Variants in ZRANB3 observed in about 807,000 individuals in gnomAD.
ZRANB3 encodes DNA annealing helicase and endonuclease ZRANB3.
A neutral mutation model predicts 133.8 loss-of-function variants in ZRANB3; 125 were observed. That is an observed-to-expected ratio of 0.93 (90% CI 0.81 to 1.08). The LOEUF (loss-of-function observed/expected upper bound fraction) is 1.08, where lower values mean the gene tolerates loss of function less well. Among genes scored for constraint, ZRANB3 ranks in the 50% least tolerant of loss-of-function variants. The probability of loss-of-function intolerance (pLI) is 0.00; values close to 1 mark genes in which losing one functional copy is unlikely to be tolerated. For missense variants in ZRANB3, 1,229 were observed against 1,275.5 expected (o/e 0.96, Z 0.56); for synonymous variants, 387 against 432.7 (o/e 0.89, Z 1.31).
At chr2:135,277,827 A>C (rs1432486318) in intron 8 of ZRANB3, among the ~76,000 whole-genome samples, 4 of 151,602 alleles carry the variant, frequency 2.6e-5, no homozygotes, top group African/African-American at 9.7e-5. Flanking sequence ...TGGGAGGCTG[A>C]GGCAGGAGAA....
chr2:135,475,474 A>C (rs947155404), intron 2 of ZRANB3, among the ~76,000 whole-genome samples: 1 of 152,254 alleles, frequency 6.6e-6, no homozygotes, highest in Non-Finnish European at 1.5e-5. Flanking sequence ...TCATGTTGTC[A>C]TGCTCAATTT....
chr2:135,206,882 T>C (rs1010721430), intron 19 of ZRANB3, among the ~76,000 whole-genome samples: 2 of 152,020 alleles, frequency 1.3e-5, no homozygotes, highest in African/African-American at 4.8e-5. Context: ...ATCTAGGAGA[T>C]GGCCGGGCAT....
chr2:135,523,401 T>C (rs564152381), intron 1 of ZRANB3, among the ~76,000 whole-genome samples: 4 of 152,368 alleles, frequency 2.6e-5, no homozygotes, highest in Admixed American at 6.5e-5. Flanking sequence ...CTTATTGTAA[T>C]TGGCAATTAT....
At chr2:135,275,243 G>A (rs1270796479) in intron 9 of ZRANB3, among the ~76,000 whole-genome samples, 5 of 151,406 alleles carry the variant, frequency 3.3e-5, no homozygotes, top group South Asian at 2.1e-4. Context: ...GCGGCTGGCC[G>A]GGCGGGGGCT....
At chr2:135,353,362 T>C (rs1685290407) in intron 4 of ZRANB3, 88 bp downstream of exon 4, 1 of 815,308 alleles carries the variant, frequency 1.2e-6, no homozygotes. Context: ...TTATTATCTA[T>C]TGGTGATATT....
intron 6 of ZRANB3, among the ~76,000 whole-genome samples, chr2:135,332,198 T>C (rs1230725623): frequency 6.6e-6 from 1 of 152,174 alleles, no homozygotes; most frequent in African/African-American, 2.4e-5. Context: ...TAGTGCTTAA[T>C]ACATAAGTAC....
intron 17 of ZRANB3, among the ~76,000 whole-genome samples, chr2:135,210,830 T>C (rs531052521): frequency 6.6e-6 from 1 of 152,116 alleles, no homozygotes; most frequent in African/African-American, 2.4e-5. Context: ...GGGGAATATC[T>C]TTTCACACAT....
intron 6 of ZRANB3, among the ~76,000 whole-genome samples, chr2:135,316,985 T>A (rs61374548): frequency 0.074 from 9,327 of 125,440 alleles, 345 homozygotes; most frequent in South Asian, 0.23. Flanking sequence ...AAAAAAAAAA[T>A]ATATATATAT....
In ZRANB3 at chr2:135,344,428, A is replaced by G. The variant is rs115789342; in HGVS notation, c.677+1122T>C. On this transcript the variant is annotated intron_variant, in intron 6 of 20. Transcript: ENST00000264159. ...ATAAATAAATTCTAAACAGTAGAAT[A>G]GATACAGCATTTAAAATGAATAACA... Among the ~76,000 whole-genome samples the G allele has an allele frequency of 7.1e-3, 1,080 of 152,352 alleles. 10 individuals are homozygous for G. The highest frequency in any genetic ancestry group is 0.024 in the African/African-American group (1,010 of 41,578).
intron 2 of ZRANB3, among the ~76,000 whole-genome samples, chr2:135,430,821 G>A (rs1689289273): frequency 6.6e-6 from 1 of 152,126 alleles, no homozygotes; most frequent in Non-Finnish European, 1.5e-5. Flanking sequence ...GGAAACGACA[G>A]TCATTTCAAC....
At chr2:135,473,512 C>T (rs1490755683) in intron 2 of ZRANB3, among the ~76,000 whole-genome samples, 1 of 149,878 alleles carries the variant, frequency 6.7e-6, no homozygotes, top group South Asian at 2.1e-4. Flanking sequence ...AGGTAATGTA[C>T]ATTGCCTTTG....
intron 2 of ZRANB3, among the ~76,000 whole-genome samples, chr2:135,406,347 A>G (rs919242236): frequency 1.3e-5 from 2 of 152,174 alleles, no homozygotes; most frequent in African/African-American, 2.4e-5. Flanking sequence ...ACCAACCAAA[A>G]AAAGCCCAGG....
At chr2:135,454,277 C>T (rs1043623195) in intron 2 of ZRANB3, among the ~76,000 whole-genome samples, 6 of 152,152 alleles carry the variant, frequency 3.9e-5, no homozygotes, top group Non-Finnish European at 5.9e-5. Context: ...CCAGGAGATA[C>T]AATTCAAGTT....
At chr2:135,236,492 G>T (rs949145057) in intron 12 of ZRANB3, among the ~76,000 whole-genome samples, 1 of 152,178 alleles carries the variant, frequency 6.6e-6, no homozygotes, top group African/African-American at 2.4e-5. Context: ...TCAATCCTAA[G>T]CCAAAAGAAC....
In ZRANB3 at chr2:135,397,447, C is replaced by CAA. The variant is rs373434643; in HGVS notation, c.162-6629_162-6628dup. Reference sequence around the variant, plus strand: ...TGGGCAAGAAAGCCAGACCCTGACTCAAAAAAAAAAAAAAGAAAAGAAAAG... The same window carrying CAA: ...TGGGCAAGAAAGCCAGACCCTGACTCAAAAAAAAAAAAAAAAGAAAAGAAAAG... On this transcript the variant is annotated intron_variant, in intron 2 of 20. Transcript: ENST00000264159. Among the ~76,000 whole-genome samples, 101 of 116,788 alleles carry CAA rather than the reference C, an allele frequency of 8.6e-4. No homozygotes were observed. In the Middle Eastern group the frequency reaches 0.012, roughly 14 times the overall value. The allele number at this position is 116,788 out of a possible 152,430, so 76.6% of individuals were successfully genotyped here.
intron 12 of ZRANB3, among the ~76,000 whole-genome samples, chr2:135,245,129 C>A (rs1385869494): frequency 6.6e-6 from 1 of 152,144 alleles, no homozygotes; most frequent in African/African-American, 2.4e-5. Context: ...GTTATGATGG[C>A]TAAACTGAAC....
chr2:135,415,314 G>A (rs1230819219), intron 2 of ZRANB3, among the ~76,000 whole-genome samples: 1 of 151,798 alleles, frequency 6.6e-6, no homozygotes, highest in Non-Finnish European at 1.5e-5. Flanking sequence ...TACCATCAGA[G>A]AATACTACAA....
At chr2:135,265,459 T>C (rs556605850) in intron 12 of ZRANB3, 75 bp downstream of exon 12, 3 of 1,421,892 alleles carry the variant, frequency 2.1e-6, no homozygotes, top group Admixed American at 2.7e-5. Flanking sequence ...AGAGTTGCTA[T>C]TTAAAACCAT....
At chr2:135,286,223 C>T (rs1681356905) in intron 8 of ZRANB3, among the ~76,000 whole-genome samples, 1 of 152,162 alleles carries the variant, frequency 6.6e-6, no homozygotes, top group African/African-American at 2.4e-5. Flanking sequence ...CCTTACACCC[C>T]TCTCACCCTT....
Sources: allele counts gnomAD v4.1 joint callset (sites outside exome capture counted in the v4.1 genomes callset), GRCh38; gene constraint gnomAD v4.1.1; transcripts MANE v1.5; gene names NCBI Gene and HGNC (gene_info 2026-07-23, HGNC 2026-07-21).